CD99L2: variants seen among roughly 807,000 people sequenced by gnomAD.
CD99L2 encodes CD99 antigen-like protein 2.
Under a neutral mutation model 27.3 loss-of-function variants are expected in CD99L2, and 24 were observed. The observed-to-expected ratio is 0.88, with a 90% CI of 0.64 to 1.24. The LOEUF is 1.24. Ranked by LOEUF, CD99L2 falls within the 50% of genes most tolerant of loss-of-function variation. CD99L2 has a pLI of 0.00. For synonymous variants in CD99L2, 97 were observed against 87.9 expected (o/e 1.10, Z -0.58); for missense variants, 255 against 221.6 (o/e 1.15, Z -0.96).
intron 4 of CD99L2, among the ~76,000 whole-genome samples, chrX:150,813,568 T>C (rs186280225): frequency 6.5e-4 from 73 of 112,317 alleles, no homozygotes; most frequent in African/African-American, 2.3e-3. Context: ...TATGATAGCA[T>C]GTTCAGCAGC....
intron 1 of CD99L2, among the ~76,000 whole-genome samples, chrX:150,858,400 C>G (rs1355475358): frequency 8.9e-6 from 1 of 112,856 alleles, no homozygotes; most frequent in Non-Finnish European, 1.9e-5. Flanking sequence ...TATCTAACAA[C>G]AGCAGAATGC....
chrX:150,891,902 A>G (rs1197847660), intron 1 of CD99L2, among the ~76,000 whole-genome samples: 1 of 112,008 alleles, frequency 8.9e-6, no homozygotes, highest in Non-Finnish European at 1.9e-5. Context: ...GAAGAGGAAT[A>G]ACATGCAAAG....
intron 1 of CD99L2, among the ~76,000 whole-genome samples, chrX:150,856,619 A>T (rs1292664199): frequency 9.1e-6 from 1 of 109,721 alleles, no homozygotes; most frequent in Non-Finnish European, 1.9e-5. Context: ...ACGCTGTGTG[A>T]TCCCATTTCT....
At chrX:150,778,681 AAAAAATAT>A (rs1362448553) in intron 7 of CD99L2, among the ~76,000 whole-genome samples, 11 of 24,130 alleles carry the variant, frequency 4.6e-4, no homozygotes, top group African/African-American at 9.9e-4. Context: ...AATAAAAAAA[AAAAAATAT>A]ATATATATAT....
At chrX:150,884,103 G>T (rs918674446) in intron 1 of CD99L2, among the ~76,000 whole-genome samples, 7 of 111,681 alleles carry the variant, frequency 6.3e-5, no homozygotes, top group Admixed American at 1.9e-4. Flanking sequence ...TTCACTTCTA[G>T]GTATAACCCT....
chrX:150,808,926 A>G (rs2046035036), intron 4 of CD99L2, among the ~76,000 whole-genome samples: 1 of 111,194 alleles, frequency 9.0e-6, no homozygotes, highest in Non-Finnish European at 1.9e-5. Flanking sequence ...GGAAAGGAAG[A>G]GCAGGAGAGT....
At chrX:150,845,401 G>A (rs2046687046) in intron 1 of CD99L2, among the ~76,000 whole-genome samples, 1 of 111,900 alleles carries the variant, frequency 8.9e-6, no homozygotes, top group Non-Finnish European at 1.9e-5. Context: ...AGAGTCGTGG[G>A]CTTTAAAATG....
At chrX:150,787,000 G>A (rs1474097807) in intron 7 of CD99L2, among the ~76,000 whole-genome samples, 2 of 111,757 alleles carry the variant, frequency 1.8e-5, no homozygotes, top group East Asian at 2.8e-4. Flanking sequence ...CTTGTTGGCC[G>A]CATGTATGTC....
intron 1 of CD99L2, among the ~76,000 whole-genome samples, chrX:150,896,074 A>C (rs12389833): frequency 0.034 from 3,662 of 108,436 alleles, 173 homozygotes; most frequent in African/African-American, 0.12. Flanking sequence ...CCTTATCTTG[A>C]AACCAAAGCT....
At chrX:150,893,879 C>T (rs1370737784) in intron 1 of CD99L2, among the ~76,000 whole-genome samples, 1 of 110,078 alleles carries the variant, frequency 9.1e-6, no homozygotes, top group East Asian at 2.9e-4. Context: ...CCATGCCCAG[C>T]TAATTTTTGT....
intron 1 of CD99L2, among the ~76,000 whole-genome samples, chrX:150,843,094 C>A (rs1359527450): frequency 8.9e-6 from 1 of 112,507 alleles, no homozygotes; most frequent in Admixed American, 9.4e-5. Context: ...CTGCCTGCTG[C>A]TGGATTAATA....
chrX:150,770,371 T>C lies in CD99L2; in HGVS notation c.656-2A>G. On this transcript the variant is annotated splice_acceptor_variant, in intron 9 of 10. Coordinates refer to ENST00000370377, the MANE Select transcript of CD99L2 (RefSeq NM_031462.4). LOFTEE classifies it high-confidence loss of function. ...TCACGTAGTCTGCGTTGAGACCCTC[T>C]GCAAAGGGAAAAGGGCAGAGTTAGT... 1.7e-6 allele frequency: 2 copies of C among 1,210,525 alleles called. No homozygotes were observed. The highest frequency in any genetic ancestry group is 2.2e-6 in the Non-Finnish European group (2 of 894,414).
At chrX:150,815,668 T>A (rs1056312289) in intron 3 of CD99L2, among the ~76,000 whole-genome samples, 1 of 112,361 alleles carries the variant, frequency 8.9e-6, no homozygotes, top group African/African-American at 3.2e-5. Context: ...TTCCAAAATG[T>A]TCCATCTGCC....
At chrX:150,770,191 A>G (rs2043418232) in intron 10 of CD99L2, 113 bp downstream of exon 10, 3 of 721,050 alleles carry the variant, frequency 4.2e-6, no homozygotes, top group Non-Finnish European at 6.3e-6. Context: ...CTCTGGCCGG[A>G]CATTCTAGAA....
At chrX:150,832,775 C>T (rs1557421103) in intron 1 of CD99L2, among the ~76,000 whole-genome samples, 1 of 108,691 alleles carries the variant, frequency 9.2e-6, no homozygotes. Context: ...CAGGGCCGGG[C>T]GTGGTGGCTC....
chrX:150,823,568 G>A (rs1414715640), intron 2 of CD99L2, among the ~76,000 whole-genome samples: 2 of 111,907 alleles, frequency 1.8e-5, no homozygotes, highest in Non-Finnish European at 3.8e-5. Context: ...TTACAGGTGT[G>A]AGCCACCACG....
chrX:150,872,006 G>C (rs1229195522), intron 1 of CD99L2, among the ~76,000 whole-genome samples: 1 of 111,758 alleles, frequency 8.9e-6, no homozygotes, highest in Non-Finnish European at 1.9e-5. Flanking sequence ...TGAGATAAGA[G>C]AATCACTTGA....
intron 6 of CD99L2, 63 bp from the exon 7 acceptor site, chrX:150,793,819 G>A: frequency 1.1e-6 from 1 of 930,180 alleles, no homozygotes; most frequent in Non-Finnish European, 1.5e-6. Flanking sequence ...AGAAACTTGT[G>A]CTAATGTTGC....
At chrX:150,879,925 CAAAAAA>C (rs782555339) in intron 1 of CD99L2, among the ~76,000 whole-genome samples, 2 of 27,319 alleles carry the variant, frequency 7.3e-5, no homozygotes, top group Admixed American at 4.9e-4. Flanking sequence ...ACCCTGTCTC[CAAAAAA>C]AAAAAAAAAA....
Sources: allele counts gnomAD v4.1 joint callset (sites outside exome capture counted in the v4.1 genomes callset), GRCh38; gene constraint gnomAD v4.1.1; transcripts MANE v1.5; gene names NCBI Gene and HGNC (gene_info 2026-07-23, HGNC 2026-07-21).